Variants in HTR7 observed in about 807,000 individuals in gnomAD.
HTR7 encodes the protein 5-HT-7.
HTR7 carries 16 observed loss-of-function variants against 34.0 expected under a neutral mutation model. The ratio of observed to expected loss-of-function variants is 0.47; its 90% confidence interval spans 0.32 to 0.71. The LOEUF (loss-of-function observed/expected upper bound fraction) is 0.71, where lower values mean the gene tolerates loss of function less well. Ranked by LOEUF, HTR7 falls within the 30% of genes least tolerant of loss-of-function variation. The probability of loss-of-function intolerance (pLI) is 0.04; values close to 1 mark genes in which losing one functional copy is unlikely to be tolerated. For synonymous variants in HTR7, 265 were observed against 260.2 expected, an observed-to-expected ratio of 1.02 and a Z score of -0.18; for missense variants, 504 against 625.5, an observed-to-expected ratio of 0.81 and a Z score of 2.07.
At chr10:90,845,712 G>A (rs1277674359) in intron 1 of HTR7, among the ~76,000 whole-genome samples, 7 of 152,194 alleles carry the variant, frequency 4.6e-5, no homozygotes, top group Non-Finnish European at 7.3e-5. Flanking sequence ...AGAAAGTGTA[G>A]GTGGTGCCCC....
intron 1 of HTR7, among the ~76,000 whole-genome samples, chr10:90,801,433 T>C (rs1305033120): frequency 6.6e-6 from 1 of 152,178 alleles, no homozygotes; most frequent in Non-Finnish European, 1.5e-5. Context: ...AAGAAATCAA[T>C]ATTTTACCCC....
chr10:90,784,813 C>T (rs1405431164), intron 1 of HTR7, among the ~76,000 whole-genome samples: 1 of 152,202 alleles, frequency 6.6e-6, no homozygotes, highest in Non-Finnish European at 1.5e-5. Flanking sequence ...TAGCTGACCA[C>T]ATGACTTGGC....
intron 1 of HTR7, among the ~76,000 whole-genome samples, chr10:90,778,307 G>C (rs893930283): frequency 6.6e-6 from 1 of 152,162 alleles, no homozygotes; most frequent in African/African-American, 2.4e-5. Flanking sequence ...TGGATTAATG[G>C]ATTAGTGGGG....
chr10:90,772,251 C>T (rs1011130685), intron 1 of HTR7, among the ~76,000 whole-genome samples: 2 of 152,028 alleles, frequency 1.3e-5, no homozygotes, highest in African/African-American at 2.4e-5. Context: ...CATTCTAATC[C>T]TTTATCCTCA....
At chr10:90,775,567 C>T (rs900846724) in intron 1 of HTR7, among the ~76,000 whole-genome samples, 1 of 152,214 alleles carries the variant, frequency 6.6e-6, no homozygotes, top group African/African-American at 2.4e-5. Context: ...GAAGCCAAAC[C>T]TCACAGGGCC....
intron 1 of HTR7, among the ~76,000 whole-genome samples, chr10:90,760,729 A>C (rs1445624404): frequency 6.6e-6 from 1 of 152,090 alleles, no homozygotes; most frequent in East Asian, 1.9e-4. Flanking sequence ...AAAATACAGG[A>C]GATTAGCCAG....
chr10:90,857,305 G>A lies in HTR7; in HGVS notation c.367C>T (p.Leu123=). 6.2e-7 allele frequency: 1 copy of A among 1,614,102 alleles called. No individual in the cohort carries two copies. The highest frequency in any genetic ancestry group is 8.5e-7 in the Non-Finnish European group (1 of 1,180,034). ...GCCACCGAGAGGTCGGCCAGCGCCAGGGACACGATCAGGTAGTTGGAGGGC... is the reference window on the plus strand; with the variant it reads ...GCCACCGAGAGGTCGGCCAGCGCCAAGGACACGATCAGGTAGTTGGAGGGC... ...RQPSNYLIVS[L]ALADLSVAVA... Residue 123 remains leucine (L), a synonymous_variant, in exon 1 of 4, where the codon CTG becomes TTG. Coordinates refer to ENST00000336152, the MANE Select transcript of HTR7 (RefSeq NM_019859.4). This position sits in a 1 kb window ranked among gnomAD's most constrained non-coding sequence, Gnocchi z 6.5.
At chr10:90,803,210 A>T (rs945860223) in intron 1 of HTR7, among the ~76,000 whole-genome samples, 3 of 152,036 alleles carry the variant, frequency 2.0e-5, no homozygotes, top group Non-Finnish European at 2.9e-5. Context: ...AGTAAAGTAC[A>T]CTTGGAAGAG....
At chr10:90,788,489 C>T (rs981409699) in intron 1 of HTR7, among the ~76,000 whole-genome samples, 8 of 152,124 alleles carry the variant, frequency 5.3e-5, no homozygotes, top group Non-Finnish European at 1.2e-4. Context: ...ATCAATCATT[C>T]GGAGACCAAG....
At chr10:90,743,772 T>C in intron 2 of HTR7, 82 bp from the exon 3 acceptor site, 1 of 1,099,144 alleles carries the variant, frequency 9.1e-7, no homozygotes, top group Non-Finnish European at 1.4e-6. Flanking sequence ...TATATTTCAT[T>C]ATCATATTTG....
chr10:90,764,269 T>A (rs899842870), intron 1 of HTR7, among the ~76,000 whole-genome samples: 1 of 152,138 alleles, frequency 6.6e-6, no homozygotes. Context: ...TTGAGAAGTA[T>A]CTGTTCATAT....
intron 1 of HTR7, among the ~76,000 whole-genome samples, chr10:90,848,612 T>C (rs550254367): frequency 1.3e-5 from 2 of 152,352 alleles, no homozygotes; most frequent in Non-Finnish European, 1.5e-5. Flanking sequence ...TTGCAAAGTA[T>C]ATTTTGAATA....
chr10:90,854,993 A>G (rs1846556951), intron 1 of HTR7, among the ~76,000 whole-genome samples: 1 of 152,190 alleles, frequency 6.6e-6, no homozygotes, highest in South Asian at 2.1e-4. Flanking sequence ...CTTTTCAGAA[A>G]TAATATATTT....
intron 1 of HTR7, among the ~76,000 whole-genome samples, chr10:90,805,097 G>A (rs1166654174): frequency 6.6e-6 from 1 of 152,180 alleles, no homozygotes; most frequent in Non-Finnish European, 1.5e-5. Flanking sequence ...TTTGTACTAT[G>A]AAAGGTCTTG....
intron 1 of HTR7, among the ~76,000 whole-genome samples, chr10:90,775,304 C>A (rs1364251551): frequency 6.6e-6 from 1 of 152,092 alleles, no homozygotes; most frequent in African/African-American, 2.4e-5. Flanking sequence ...AGGCCGTGCT[C>A]GGTGCTGTGT....
intron 1 of HTR7, among the ~76,000 whole-genome samples, chr10:90,817,242 A>G (rs1845910553): frequency 6.6e-6 from 1 of 152,232 alleles, no homozygotes; most frequent in African/African-American, 2.4e-5. Flanking sequence ...CTGAGTTCAC[A>G]GCCATGGTGA....
At chr10:90,810,353 G>C (rs897668036) in intron 1 of HTR7, among the ~76,000 whole-genome samples, 1 of 151,762 alleles carries the variant, frequency 6.6e-6, no homozygotes, top group African/African-American at 2.4e-5. Context: ...CTTGGTGACC[G>C]ATCATGCAAC....
chr10:90,760,989 T>C (rs1286892664), intron 1 of HTR7, among the ~76,000 whole-genome samples: 4 of 152,242 alleles, frequency 2.6e-5, no homozygotes, highest in African/African-American at 9.6e-5. Flanking sequence ...CTACTTCAGT[T>C]TATTTTTCTT....
chr10:90,804,673 G>T (rs1261900968), intron 1 of HTR7, among the ~76,000 whole-genome samples: 2 of 152,160 alleles, frequency 1.3e-5, no homozygotes, highest in African/African-American at 4.8e-5. Flanking sequence ...AGATCTGAAA[G>T]AATTTTTTTC....
Sources: gnomAD v4.1 joint callset for allele counts (sites outside exome capture counted in the v4.1 genomes callset) on GRCh38, gnomAD v4.1.1 for gene constraint, Gnocchi (gnomAD v3.1) non-coding constraint, MANE v1.5 for transcripts, NCBI Gene and HGNC (gene_info 2026-07-23, HGNC 2026-07-21) for gene names.